TMEFF2: variants seen among roughly 807,000 people sequenced by gnomAD.
The protein encoded by TMEFF2 is transmembrane protein with EGF like and two follistatin like domains 2.
TMEFF2 carries 28 observed loss-of-function variants against 53.8 expected under a neutral mutation model. That is an observed-to-expected ratio of 0.52 (90% CI 0.39 to 0.71). The LOEUF is 0.71. Ranked by LOEUF, TMEFF2 falls within the 30% of genes least tolerant of loss-of-function variation. The pLI is 0.00. For missense variants in TMEFF2, 353 were observed against 455.2 expected (o/e 0.78, Z 2.04); for synonymous variants, 162 against 166.3 (o/e 0.97, Z 0.20).
chr2:192,131,931 T>A (rs917200823), intron 4 of TMEFF2, among the ~76,000 whole-genome samples: 6 of 152,144 alleles, frequency 3.9e-5, no homozygotes, highest in Non-Finnish European at 8.8e-5. Context: ...TGGTCTGAGG[T>A]GCCTGACGTC....
intron 4 of TMEFF2, among the ~76,000 whole-genome samples, chr2:192,090,710 A>G (rs1688770332): frequency 6.6e-6 from 1 of 152,156 alleles, no homozygotes; most frequent in South Asian, 2.1e-4. Context: ...AGGCATTTGT[A>G]TTCAAATTTA....
intron 5 of TMEFF2, among the ~76,000 whole-genome samples, chr2:192,000,050 A>C (rs1379396676): frequency 1.3e-5 from 2 of 152,176 alleles, no homozygotes; most frequent in African/African-American, 4.8e-5. Context: ...AAGAAGAATT[A>C]AACATTTTCA....
intron 6 of TMEFF2, 57 bp from the exon 7 acceptor site, chr2:191,998,378 C>A: frequency 7.9e-7 from 1 of 1,258,982 alleles, no homozygotes; most frequent in South Asian, 1.3e-5. Context: ...TATCTAATAT[C>A]AAACTTATAT....
chr2:192,057,616 G>T, intron 5 of TMEFF2, 63 bp downstream of exon 5: 1 of 1,314,554 alleles, frequency 7.6e-7, no homozygotes, highest in Non-Finnish European at 1.1e-6. Context: ...AATGGTTGAT[G>T]GTGTTAAAAA....
At chr2:192,121,289 G>A (rs1283759947) in intron 4 of TMEFF2, among the ~76,000 whole-genome samples, 2 of 152,144 alleles carry the variant, frequency 1.3e-5, no homozygotes, top group African/African-American at 2.4e-5. Flanking sequence ...AACTCCAGAT[G>A]AGAGGATATC....
intron 4 of TMEFF2, among the ~76,000 whole-genome samples, chr2:192,113,220 G>T (rs1689325546): frequency 6.6e-6 from 1 of 152,136 alleles, no homozygotes; most frequent in Admixed American, 6.6e-5. Context: ...TGTAGCAAAT[G>T]TTAGAGAAGA....
chr2:192,010,416 C>A (rs1221036901), intron 5 of TMEFF2, among the ~76,000 whole-genome samples: 1 of 152,098 alleles, frequency 6.6e-6, no homozygotes, highest in Non-Finnish European at 1.5e-5. Flanking sequence ...AAATATTAAG[C>A]TTTAAAAAGT....
At chr2:192,068,562 G>A (rs537531928) in intron 4 of TMEFF2, among the ~76,000 whole-genome samples, 17 of 151,854 alleles carry the variant, frequency 1.1e-4, no homozygotes, top group African/African-American at 3.9e-4. Flanking sequence ...GAAATTGCCC[G>A]GAGCTCCAGC....
intron 4 of TMEFF2, among the ~76,000 whole-genome samples, chr2:192,142,263 G>C (rs146375683): frequency 6.6e-6 from 1 of 151,988 alleles, no homozygotes; most frequent in Non-Finnish European, 1.5e-5. Context: ...AACTCAATCT[G>C]GCATATTGAG....
chr2:192,158,027 G>A (rs561078100), intron 4 of TMEFF2, among the ~76,000 whole-genome samples: 203 of 152,128 alleles, frequency 1.3e-3, no homozygotes, highest in African/African-American at 4.5e-3. Flanking sequence ...CAGGATCCAC[G>A]CCAAATTTAT....
At chr2:192,009,664 T>A (rs1686581076) in intron 5 of TMEFF2, among the ~76,000 whole-genome samples, 1 of 152,046 alleles carries the variant, frequency 6.6e-6, no homozygotes, top group African/African-American at 2.4e-5. Flanking sequence ...AATATCATAT[T>A]TGAATGAAGA....
At position 191,976,738 on chromosome 2, in the gene TMEFF2, C is replaced by T. The variant is rs77856827; in HGVS notation, c.746-20360G>A. On this transcript the variant is annotated intron_variant, in intron 7 of 9. Coordinates refer to ENST00000272771, the MANE Select transcript of TMEFF2 (RefSeq NM_016192.4). ...GATAGGAGGCCCATGTTGGACACAA[C>T]AGGACTTAGGCCCAGACTCCGGGTG... is the stretch of plus-strand genomic sequence containing the variant. Among the ~76,000 whole-genome samples, 285 of 152,306 alleles carry T rather than the reference C, an allele frequency of 1.9e-3. 3 individuals are homozygous for T. The highest frequency in any genetic ancestry group is 0.017 in the Middle Eastern group (5 of 294).
At chr2:192,122,101 A>G (rs1309403532) in intron 4 of TMEFF2, among the ~76,000 whole-genome samples, 4 of 152,214 alleles carry the variant, frequency 2.6e-5, no homozygotes, top group African/African-American at 4.8e-5. Context: ...GAATATGCCA[A>G]TTACTATAAT....
chr2:192,063,037 C>T (rs1559109841), intron 4 of TMEFF2, among the ~76,000 whole-genome samples: 1 of 150,566 alleles, frequency 6.6e-6, no homozygotes, highest in Non-Finnish European at 1.5e-5. Flanking sequence ...GGCTATTTCA[C>T]TTTTTTTATT....
intron 4 of TMEFF2, among the ~76,000 whole-genome samples, chr2:192,108,342 C>A (rs1487390841): frequency 1.3e-5 from 2 of 151,764 alleles, no homozygotes; most frequent in Non-Finnish European, 3.0e-5. Context: ...TTAGTGTAAT[C>A]CACATGTATG....
chr2:192,155,882 A>G (rs1447136107), intron 4 of TMEFF2, among the ~76,000 whole-genome samples: 8 of 152,088 alleles, frequency 5.3e-5, no homozygotes. Flanking sequence ...TTCTGCTTAA[A>G]ATAGCACAGA....
At chr2:192,142,779 G>A (rs962621358) in intron 4 of TMEFF2, among the ~76,000 whole-genome samples, 2 of 152,010 alleles carry the variant, frequency 1.3e-5, no homozygotes, top group Non-Finnish European at 2.9e-5. Flanking sequence ...CTAACACAGT[G>A]GACTGCTTCA....
intron 5 of TMEFF2, chr2:192,021,818 A>T (rs1049079600): frequency 5.3e-5 from 8 of 152,172 alleles, no homozygotes. Flanking sequence ...AGTAAGGAGG[A>T]TAGATGTCTT....
intron 4 of TMEFF2, among the ~76,000 whole-genome samples, chr2:192,141,277 A>T (rs1483955524): frequency 6.6e-6 from 1 of 151,838 alleles, no homozygotes; most frequent in Non-Finnish European, 1.5e-5. Context: ...ACATGGTGTA[A>T]TCCTGTCTCT....
Sources: allele counts gnomAD v4.1 joint callset (sites outside exome capture counted in the v4.1 genomes callset), GRCh38; gene constraint gnomAD v4.1.1; transcripts MANE v1.5; gene names NCBI Gene and HGNC (gene_info 2026-07-23, HGNC 2026-07-21).